Variants in ZW10 observed in about 807,000 individuals in gnomAD.
The protein encoded by ZW10 is zw10 kinetochore protein, also known as centromere/kinetochore protein zw10 homolog.
ZW10 carries 53 observed loss-of-function variants against 87.8 expected under a neutral mutation model. The ratio of observed to expected loss-of-function variants is 0.60; its 90% CI spans 0.48 to 0.76. The LOEUF (loss-of-function observed/expected upper bound fraction) is 0.76, where lower values mean the gene tolerates loss of function less well. Among genes scored for constraint, ZW10 ranks in the 30% least tolerant of loss-of-function variants. The pLI, the probability that ZW10 is intolerant of heterozygous loss-of-function variation, is 0.00. For missense variants in ZW10, 837 were observed against 923.0 expected (o/e 0.91, Z 1.21); for synonymous variants, 312 against 329.2 (o/e 0.95, Z 0.57).
intron 7 of ZW10, among the ~76,000 whole-genome samples, chr11:113,752,870 A>G (rs193022004): frequency 6.6e-6 from 1 of 152,230 alleles, no homozygotes; most frequent in South Asian, 2.1e-4. Flanking sequence ...AAGCTAGAAA[A>G]GATAAAACTC....
At position 113,757,742 on chromosome 11, in the gene ZW10, G is replaced by A; in HGVS notation, c.845C>T (p.Thr282Ile). 1 of 1,613,510 alleles carries A rather than the reference G, an allele frequency of 6.2e-7. No individual in the cohort carries two copies. Reference protein sequence around the residue: ...IVIIRFESIMTNLEYPSPSEV... With the variant: ...IVIIRFESIMINLEYPSPSEV... ...AGATGGTGATGGATATTCCAAGTTA[G>A]TCATTATAGATTCAAAACGAATAAT... Residue 282 changes from threonine to isoleucine, a missense_variant, in exon 7 of 16, where the codon ACT (threonine) becomes ATT (isoleucine). Coordinates refer to ENST00000200135, the MANE Select transcript of ZW10 (RefSeq NM_004724.4).
intron 9 of ZW10, 25 bp from the exon 10 acceptor site, chr11:113,744,065 G>A (rs776365623): frequency 1.3e-6 from 2 of 1,548,348 alleles, no homozygotes; most frequent in South Asian, 1.1e-5. Context: ...CAAAAATACA[G>A]AAAATATATT....
At chr11:113,772,696 G>C (rs569236036) in intron 1 of ZW10, among the ~76,000 whole-genome samples, 1 of 152,060 alleles carries the variant, frequency 6.6e-6, no homozygotes, top group African/African-American at 2.4e-5. Flanking sequence ...TAAGAGGCCG[G>C]AGACGGTGGC....
chr11:113,736,608 G>T lies in ZW10; in HGVS notation c.2219+12C>A, dbSNP rs779147120. 7 of 1,613,656 alleles carry T rather than the reference G, an allele frequency of 4.3e-6. No homozygotes were observed. Among genetic ancestry groups the T allele is most frequent in the Non-Finnish European group, 5.9e-6 (7 of 1,179,624 alleles). On this transcript the variant is annotated intron_variant, in intron 15 of 15. Transcript: ENST00000200135. ...GGAGAGTTATATGCCTCTATAGAAG[G>T]GTTATACATACCGATCCCCAATTTC... is the stretch of plus-strand genomic sequence containing the variant.
chr11:113,768,001 CTAACTG>C (rs1181207961), intron 2 of ZW10, among the ~76,000 whole-genome samples: 3 of 152,186 alleles, frequency 2.0e-5, no homozygotes, highest in Admixed American at 6.5e-5. Flanking sequence ...TCTCCTCTCT[CTAACTG>C]TATTACTCCT....
In ZW10 at chr11:113,757,812, A is replaced by AAGATG. The variant is rs772218454; in HGVS notation, c.770_774dup (p.Cys259HisfsTer9). On this transcript the variant is annotated frameshift_variant, in exon 7 of 16. Coordinates refer to ENST00000200135, the MANE Select transcript of ZW10 (RefSeq NM_004724.4). LOFTEE classifies it high-confidence loss of function. ...TCTATCACAGCATGAAGGGATGGGC[A>AAGATG]AGATGCCAGCGGCCTAAGGATATAC... 3.0e-5 allele frequency: 48 copies of AAGATG among 1,612,734 alleles called. No individual in the cohort carries two copies. Among genetic ancestry groups the AAGATG allele is most frequent in the Non-Finnish European group, 4.2e-6 (5 of 1,179,294 alleles).
chr11:113,752,773 C>T (rs1293874355), intron 7 of ZW10, among the ~76,000 whole-genome samples: 4 of 152,150 alleles, frequency 2.6e-5, no homozygotes, highest in African/African-American at 9.7e-5. Context: ...CCCTGAGACA[C>T]AATACTGAAA....
rs746434838 is a variant in ZW10, at chr11:113,733,751, A to G, written c.2283T>C (p.Ile761=). 31 of 1,614,036 alleles carry G rather than the reference A, an allele frequency of 1.9e-5. No individual in the cohort carries two copies. The highest frequency in any genetic ancestry group is 3.3e-4 in the Middle Eastern group (2 of 6,066). ...TTTCTGTGTTCTGAAACAAGGCACGAATTAAAGCTTTTACTTCACTGGAAG... is the reference window on the plus strand; with the variant it reads ...TTTCTGTGTTCTGAAACAAGGCACGGATTAAAGCTTTTACTTCACTGGAAG... The part of the protein sequence containing the change: ...AFSSSEVKAL[I]RALFQNTERR... Residue 761 remains isoleucine (I), a synonymous_variant, in exon 16 of 16, where the codon ATT becomes ATC. Coordinates refer to ENST00000200135, the MANE Select transcript of ZW10 (RefSeq NM_004724.4).
intron 5 of ZW10, among the ~76,000 whole-genome samples, chr11:113,759,366 C>T (rs115437650): frequency 0.02 from 2,998 of 152,196 alleles, 91 homozygotes; most frequent in African/African-American, 0.068. Context: ...CAGGATAACT[C>T]CCTTCAAATA....
At chr11:113,766,452 C>T (rs954981622) in intron 2 of ZW10, among the ~76,000 whole-genome samples, 3 of 151,214 alleles carry the variant, frequency 2.0e-5, no homozygotes, top group African/African-American at 4.9e-5. Context: ...GGGTGGATCA[C>T]GAGGTCAGGA....
intron 9 of ZW10, among the ~76,000 whole-genome samples, chr11:113,747,139 A>G (rs528442918): frequency 1.3e-5 from 2 of 152,296 alleles, no homozygotes; most frequent in East Asian, 3.9e-4. Flanking sequence ...TCTCTATTAG[A>G]TGAAGTCAAC....
intron 15 of ZW10, 94 bp from the exon 16 acceptor site, chr11:113,733,908 C>T: frequency 7.1e-7 from 1 of 1,416,874 alleles, no homozygotes; most frequent in Non-Finnish European, 9.5e-7. Flanking sequence ...TGCTTATTTG[C>T]TTGAAATGGA....
chr11:113,768,465 A>G (rs1953929463), intron 2 of ZW10, among the ~76,000 whole-genome samples: 1 of 152,156 alleles, frequency 6.6e-6, no homozygotes, highest in African/African-American at 2.4e-5. Context: ...ATGTTACACT[A>G]TTGATATTGA....
chr11:113,762,260 A>G (rs1953868397), intron 2 of ZW10, among the ~76,000 whole-genome samples: 1 of 152,166 alleles, frequency 6.6e-6, no homozygotes. Flanking sequence ...AACACAGAAA[A>G]CATACAGTAA....
intron 2 of ZW10, among the ~76,000 whole-genome samples, chr11:113,766,944 G>A (rs1342057815): frequency 6.6e-6 from 1 of 151,950 alleles, no homozygotes; most frequent in Non-Finnish European, 1.5e-5. Flanking sequence ...TTGAACCCAG[G>A]AGGCAGAGGT....
intron 1 of ZW10, chr11:113,770,654 TA>T (rs1332847019): frequency 6.6e-6 from 1 of 150,884 alleles, no homozygotes; most frequent in Non-Finnish European, 1.5e-5. Context: ...CCATCTCTAC[TA>T]AAATACAAAT....
intron 1 of ZW10, chr11:113,771,261 C>A (rs946235549): frequency 1.3e-5 from 2 of 152,182 alleles, no homozygotes; most frequent in Admixed American, 1.3e-4. Context: ...CAGGCGTGAG[C>A]CACCGCACCT....
chr11:113,763,160 T>C (rs975327264), intron 2 of ZW10, among the ~76,000 whole-genome samples: 2 of 152,218 alleles, frequency 1.3e-5, no homozygotes, highest in Admixed American at 6.5e-5. Flanking sequence ...GATGGTGGCT[T>C]CCAGCTTCAT....
At chr11:113,736,559 G>T in intron 15 of ZW10, 61 bp downstream of exon 15, 1 of 1,535,464 alleles carries the variant, frequency 6.5e-7, no homozygotes, top group Non-Finnish European at 9.0e-7. Flanking sequence ...GCTATCAAGG[G>T]CACTATTACT....
Sources: allele counts gnomAD v4.1 joint callset (sites outside exome capture counted in the v4.1 genomes callset), GRCh38; gene constraint gnomAD v4.1.1; transcripts MANE v1.5; gene names NCBI Gene and HGNC (gene_info 2026-07-23, HGNC 2026-07-21).